Variants in CHD7 observed in about 807,000 individuals in gnomAD.
CHD7 encodes the protein chromodomain helicase DNA binding protein 7, also known as ATP-dependent chromatin remodeler CHD7.
CHD7 carries 24 observed loss-of-function variants against 307.3 expected under a neutral mutation model. The observed-to-expected ratio is 0.08, with a 90% CI of 0.06 to 0.11. The LOEUF (loss-of-function observed/expected upper bound fraction) is 0.11, where lower values mean the gene tolerates loss of function less well. Among genes scored for constraint, CHD7 ranks in the 10% least tolerant of loss-of-function variants. The pLI is 1.00. For synonymous variants in CHD7, 1,363 were observed against 1,349.9 expected, an observed-to-expected ratio of 1.01 and a Z score of -0.21; for missense variants, 3,106 against 3,727.1, an observed-to-expected ratio of 0.83 and a Z score of 4.34.
At chr8:60,721,813 C>T (rs954991950) in intron 1 of CHD7, among the ~76,000 whole-genome samples, 1 of 152,132 alleles carries the variant, frequency 6.6e-6, no homozygotes, top group Non-Finnish European at 1.5e-5. Context: ...GTGGCTCTCC[C>T]GCCCAACTAG....
chr8:60,850,793 ATTATC>A, intron 26 of CHD7, 171 bp downstream of exon 26: 1 of 759,174 alleles, frequency 1.3e-6, no homozygotes, highest in East Asian at 2.7e-5. Flanking sequence ...AACAATATAC[ATTATC>A]TTGATAATCT....
intron 1 of CHD7, among the ~76,000 whole-genome samples, chr8:60,708,606 T>G (rs971216102): frequency 6.6e-6 from 1 of 152,210 alleles, no homozygotes; most frequent in Non-Finnish European, 1.5e-5. Context: ...TCTTTAAATA[T>G]AGTCCACAAC....
At chr8:60,724,332 A>C (rs1808065118) in intron 1 of CHD7, among the ~76,000 whole-genome samples, 1 of 152,196 alleles carries the variant, frequency 6.6e-6, no homozygotes, top group Non-Finnish European at 1.5e-5. Context: ...GCTCCTACAG[A>C]GATACCCTGT....
chr8:60,753,105 A>G (rs578200452), intron 2 of CHD7, among the ~76,000 whole-genome samples: 2 of 152,388 alleles, frequency 1.3e-5, no homozygotes, highest in Admixed American at 6.5e-5. Context: ...ATGCATGAAG[A>G]CATCCCTTGG....
In CHD7 at chr8:60,850,440, G is replaced by A; in HGVS notation, c.5405-53G>A. 7 of 1,565,724 alleles carry A rather than the reference G, an allele frequency of 4.5e-6. No individual in the cohort carries two copies. In the South Asian group the frequency reaches 8.1e-5, roughly 18 times the overall value. Reference sequence around the variant, plus strand: ...GCAGTGCTGTGATTTTGCCAGTGATGGGGCCTTTCTTTGTTTCTGTGTGTT... The same window carrying A: ...GCAGTGCTGTGATTTTGCCAGTGATAGGGCCTTTCTTTGTTTCTGTGTGTT... On this transcript the variant is annotated intron_variant, in intron 25 of 37. Transcript: ENST00000423902.
chr8:60,832,857 G>C (rs1394737717), intron 15 of CHD7, among the ~76,000 whole-genome samples: 1 of 152,282 alleles, frequency 6.6e-6, no homozygotes, highest in East Asian at 1.9e-4. Flanking sequence ...GAGCCTCTTA[G>C]GACTCCCTAA....
chr8:60,739,123 C>T (rs1808862444), intron 1 of CHD7, among the ~76,000 whole-genome samples: 1 of 152,182 alleles, frequency 6.6e-6, no homozygotes. Context: ...GCCATCCACT[C>T]CCTCTGGGCT....
chr8:60,738,562 G>A (rs1341114638), intron 1 of CHD7, among the ~76,000 whole-genome samples: 2 of 152,150 alleles, frequency 1.3e-5, no homozygotes, highest in Admixed American at 1.3e-4. Context: ...ACTTGGGAAA[G>A]TGGGCATTCA....
At chr8:60,683,023 T>C (rs777421438) in intron 1 of CHD7, among the ~76,000 whole-genome samples, 19 of 152,324 alleles carry the variant, frequency 1.2e-4, no homozygotes, top group Middle Eastern at 3.4e-3. Flanking sequence ...GTCAGCAATA[T>C]ATTGGCTCTG....
intron 26 of CHD7, 186 bp from the exon 27 acceptor site, chr8:60,850,846 A>G (rs1015115307): frequency 7.3e-6 from 5 of 685,058 alleles, no homozygotes; most frequent in Admixed American, 2.9e-5. Flanking sequence ...ATTTCCCGCA[A>G]TCTCCCCAGA....
chr8:60,804,018 G>T (rs768491521), intron 6 of CHD7, among the ~76,000 whole-genome samples: 2 of 152,186 alleles, frequency 1.3e-5, no homozygotes, highest in African/African-American at 4.8e-5. Context: ...TTCAAAGTCA[G>T]TTGACCTCAT....
At chr8:60,753,462 A>T (rs1295146556) in intron 2 of CHD7, among the ~76,000 whole-genome samples, 2 of 152,126 alleles carry the variant, frequency 1.3e-5, no homozygotes, top group African/African-American at 4.8e-5. Context: ...TTGCAGTTTT[A>T]CTTTTTGCAA....
At chr8:60,734,293 A>T (rs1808594433) in intron 1 of CHD7, among the ~76,000 whole-genome samples, 1 of 152,192 alleles carries the variant, frequency 6.6e-6, no homozygotes, top group Non-Finnish European at 1.5e-5. Context: ...ATTCTGGTGC[A>T]GGAGGTCTGA....
intron 5 of CHD7, among the ~76,000 whole-genome samples, 182 bp from the exon 6 acceptor site, chr8:60,801,346 C>A (rs1451749034): frequency 6.6e-6 from 1 of 152,150 alleles, no homozygotes; most frequent in Non-Finnish European, 1.5e-5. Flanking sequence ...AAGCACAGAT[C>A]TCCTTTTTGC....
At chr8:60,824,201 A>G (rs1324292709) in intron 13 of CHD7, 185 bp downstream of exon 13, 6 of 573,834 alleles carry the variant, frequency 1.0e-5, no homozygotes, top group Non-Finnish European at 1.5e-5. Context: ...ATTGTTGGCT[A>G]GTGTCTGTTA....
intron 2 of CHD7, among the ~76,000 whole-genome samples, chr8:60,771,902 A>T (rs1217719025): frequency 1.3e-5 from 2 of 152,186 alleles, no homozygotes; most frequent in Non-Finnish European, 2.9e-5. Flanking sequence ...AGTGTCCCCC[A>T]GTCAGACCTA....
At chr8:60,824,443 T>C (rs1391577863) in intron 13 of CHD7, 1 of 199,148 alleles carries the variant, frequency 5.0e-6, no homozygotes, top group Non-Finnish European at 1.0e-5. Context: ...AATGCAGATA[T>C]TCCAAAATCT....
intron 25 of CHD7, among the ~76,000 whole-genome samples, chr8:60,849,721 A>G (rs963211742): frequency 2.0e-5 from 3 of 152,236 alleles, no homozygotes; most frequent in African/African-American, 7.2e-5. Flanking sequence ...TATTCTCAGC[A>G]GCCCAGCCTG....
chr8:60,706,217 T>C (rs766815011), intron 1 of CHD7, among the ~76,000 whole-genome samples: 3 of 151,952 alleles, frequency 2.0e-5, no homozygotes, highest in Non-Finnish European at 4.4e-5. Context: ...CTGATTCATA[T>C]TTTTTTTGTG....
Sources: allele counts gnomAD v4.1 joint callset (sites outside exome capture counted in the v4.1 genomes callset), GRCh38; gene constraint gnomAD v4.1.1; transcripts MANE v1.5; gene names NCBI Gene and HGNC (gene_info 2026-07-23, HGNC 2026-07-21).